The following ZNF28 variants were observed in gnomAD, a reference collection of about 807,000 sequenced individuals.
ZNF28 encodes zinc finger protein KOX24.
ZNF28 carries 5 observed loss-of-function variants against 7.2 expected under a neutral mutation model. That is an observed-to-expected ratio of 0.70 (90% CI 0.36 to 1.46). The LOEUF (loss-of-function observed/expected upper bound fraction) is 1.46, where lower values mean the gene tolerates loss of function less well. ZNF28 is among the 40% of genes most tolerant of loss of function. The pLI, the probability that ZNF28 is intolerant of heterozygous loss-of-function variation, is 0.03. For synonymous variants in ZNF28, 288 were observed against 292.4 expected (o/e 0.99, Z 0.15); for missense variants, 879 against 866.6 (o/e 1.01, Z -0.18).
intron 2 of ZNF28, among the ~76,000 whole-genome samples, chr19:52,808,760 C>T (rs1568653540): frequency 6.6e-6 from 1 of 152,072 alleles, no homozygotes; most frequent in Non-Finnish European, 1.5e-5. Context: ...TTGCAGTGAG[C>T]TGTGATCCCA....
rs574119558 is a variant in ZNF28 at position 52,821,059 on chromosome 19, C to A, written c.-74+527G>T. 2.9e-3 allele frequency among the ~76,000 whole-genome samples: 440 copies of A among 151,442 alleles called. 3 individuals carry two copies. The highest frequency in any genetic ancestry group is 8.0e-3 in the African/African-American group (325 of 40,808). On this transcript the variant is annotated intron_variant, in intron 1 of 3. Transcript: ENST00000457749. ...ACAAGCCCCAGGCACCTCTCCAACG[C>A]GGGCTCAGGGGAAGCGGTGACTGCG...
chr19:52,813,559 T>C (rs1489655971), intron 2 of ZNF28, among the ~76,000 whole-genome samples: 1 of 145,298 alleles, frequency 6.9e-6, no homozygotes, highest in Non-Finnish European at 1.5e-5. Flanking sequence ...CCCTCCGTCT[T>C]CTCCTCACCT....
At chr19:52,809,739 G>T in intron 2 of ZNF28, 1 of 426,016 alleles carries the variant, frequency 2.3e-6, no homozygotes, top group Non-Finnish European at 4.2e-6. Context: ...CAGGAGGAGG[G>T]GGTTGCAGTG....
chr19:52,817,060 G>C (rs1302934156), intron 2 of ZNF28, among the ~76,000 whole-genome samples: 1 of 151,984 alleles, frequency 6.6e-6, no homozygotes, highest in South Asian at 2.1e-4. Flanking sequence ...TATTTACATT[G>C]ATTTCATGTT....
intron 2 of ZNF28, among the ~76,000 whole-genome samples, chr19:52,810,870 TCCCC>T (rs529233873): frequency 2.3e-4 from 1 of 4,398 alleles, no homozygotes; most frequent in Non-Finnish European, 3.7e-4. Flanking sequence ...CCCCTCCCCC[TCCCC>T]CTCCCCCTCC....
Position 52,798,626 on chromosome 19 carries a change from C to A in ZNF28, c.*1062G>T, listed in dbSNP as rs1600416499. ...TGTGAGTTTCTCTCCTGTATGAATCCTCCTATGTTTTGCATAGGATGAAAC... is the reference window on the plus strand; with the variant it reads ...TGTGAGTTTCTCTCCTGTATGAATCATCCTATGTTTTGCATAGGATGAAAC... On this transcript the variant is annotated 3_prime_UTR_variant, in exon 4 of 4. Transcript: ENST00000457749. 1 of 148,410 alleles carries A rather than the reference C, an allele frequency of 6.7e-6. No individual in the cohort carries two copies. The highest frequency in any genetic ancestry group is 3.3e-5 in the South Asian group (1 of 30,200). 9.2% of individuals were successfully genotyped at this position (148,410 alleles called of 1,614,324 possible).
At position 52,800,415 on chromosome 19, in the gene ZNF28, C is replaced by T. The variant is rs1353554744; in HGVS notation, c.1430G>A (p.Arg477Lys). 27 of 1,613,352 alleles carry T rather than the reference C, an allele frequency of 1.7e-5. No homozygotes were observed. The highest frequency in any genetic ancestry group is 2.2e-5 in the Non-Finnish European group (26 of 1,179,732). The change falls in exon 4 of 4, where the codon AGG (arginine) becomes AAG (lysine). Residue 477 changes from arginine to lysine, a missense_variant. Transcript: ENST00000457749. ...ATGTCTTTCAAGGTGTGATTTGCAC[C>T]TGAAAACTTTGTCACATTCTTCACA... is the stretch of plus-strand genomic sequence containing the variant. ...YKCEECDKVF[R>K]CKSHLERHRR...
chr19:52,815,720 G>A lies in ZNF28; in HGVS notation c.15+2224C>T, dbSNP rs994392773. 8.2e-5 allele frequency among the ~76,000 whole-genome samples: 12 copies of A among 145,826 alleles called. 2 individuals carry two copies. Among genetic ancestry groups the A allele is most frequent in the African/African-American group, 3.2e-4 (12 of 37,276 alleles). ...GGTGCCTGTGGTCCCAGCTACTCGG[G>A]AGGCTGAGGCAGGAGAATGGTGTGA... On this transcript the variant is annotated intron_variant, in intron 2 of 3. Coordinates refer to ENST00000457749, the MANE Select transcript of ZNF28 (RefSeq NM_006969.5).
At chr19:52,813,913 A>T (rs1458929359) in intron 2 of ZNF28, among the ~76,000 whole-genome samples, 1 of 145,070 alleles carries the variant, frequency 6.9e-6, no homozygotes, top group Middle Eastern at 3.3e-3. Context: ...GGGAACAGGG[A>T]GGTGGGAGAT....
intron 2 of ZNF28, chr19:52,810,165 G>A (rs879012406): frequency 4.2e-6 from 4 of 953,994 alleles, no homozygotes; most frequent in Non-Finnish European, 6.9e-6. Context: ...TATCGAAGCT[G>A]GAGTCAGGGA....
At chr19:52,813,409 G>A (rs1390627160) in intron 2 of ZNF28, among the ~76,000 whole-genome samples, 3 of 149,790 alleles carry the variant, frequency 2.0e-5, no homozygotes, top group Non-Finnish European at 4.4e-5. Flanking sequence ...CGTCTCAACA[G>A]TGCAAGCTGC....
At chr19:52,808,806 C>G (rs2062972793) in intron 2 of ZNF28, among the ~76,000 whole-genome samples, 2 of 151,916 alleles carry the variant, frequency 1.3e-5, no homozygotes, top group Admixed American at 1.3e-4. Context: ...AACCGAGACC[C>G]CATCTCAAAA....
chr19:52,810,330 G>C (rs2063002971), intron 2 of ZNF28: 1 of 1,599,768 alleles, frequency 6.3e-7, no homozygotes, highest in African/African-American at 1.3e-5. Flanking sequence ...TGGCAATGTG[G>C]ACTGCGGTGC....
Position 52,815,634 on chromosome 19 carries a change from C to T in ZNF28, c.15+2310G>A, listed in dbSNP as rs1239866455. Among the ~76,000 whole-genome samples the T allele has an allele frequency of 6.1e-5, 9 of 146,468 alleles. 1 individual carries two copies. The highest frequency in any genetic ancestry group is 1.5e-5 in the Non-Finnish European group (1 of 67,624). ...GGTCAGGAGATCGAGACCATCCTGG[C>T]TACCACAATGAAACCCCATCTCTAC... On this transcript the variant is annotated intron_variant, in intron 2 of 3. Coordinates refer to ENST00000457749, the MANE Select transcript of ZNF28 (RefSeq NM_006969.5).
chr19:52,814,075 C>T (rs897319124), intron 2 of ZNF28, among the ~76,000 whole-genome samples: 1 of 145,996 alleles, frequency 6.8e-6, no homozygotes, highest in African/African-American at 2.7e-5. Flanking sequence ...TCTTCTAAAG[C>T]CTCATAATGC....
chr19:52,802,962 T>C (rs982444290), intron 3 of ZNF28, among the ~76,000 whole-genome samples: 2 of 152,036 alleles, frequency 1.3e-5, no homozygotes, highest in African/African-American at 4.8e-5. Flanking sequence ...AGGGTTTCAC[T>C]GTGTTAGCCA....
chr19:52,797,620 A>C lies in ZNF28; in HGVS notation c.*2068T>G. On this transcript the variant is annotated 3_prime_UTR_variant, in exon 4 of 4. Coordinates refer to ENST00000457749, the MANE Select transcript of ZNF28 (RefSeq NM_006969.5). Reference sequence around the variant, plus strand: ...ACCACTTCCATTTGCTAAAGAGCTTAAAGTAAGAAATATTTAGGAATAAAC... The same window carrying C: ...ACCACTTCCATTTGCTAAAGAGCTTCAAGTAAGAAATATTTAGGAATAAAC... 1 of 154,410 alleles carries C rather than the reference A, an allele frequency of 6.5e-6. No individual in the cohort carries two copies. The highest frequency in any genetic ancestry group is 2.1e-4 in the South Asian group (1 of 4,830). 9.6% of individuals were successfully genotyped at this position (154,410 alleles called of 1,614,324 possible).
intron 2 of ZNF28, among the ~76,000 whole-genome samples, chr19:52,816,132 T>C (rs2063121413): frequency 6.8e-6 from 1 of 147,218 alleles, no homozygotes; most frequent in Admixed American, 6.8e-5. Flanking sequence ...GGAGATGCCT[T>C]ATGGCAAAGG....
At chr19:52,806,776 C>T (rs994829951) in intron 3 of ZNF28, among the ~76,000 whole-genome samples, 2 of 151,872 alleles carry the variant, frequency 1.3e-5, no homozygotes, top group Non-Finnish European at 2.9e-5. Context: ...GTGGTGAGCG[C>T]CTGCAGTTCC....
Sources: gnomAD v4.1 joint callset for allele counts (sites outside exome capture counted in the v4.1 genomes callset) on GRCh38, gnomAD v4.1.1 for gene constraint, MANE v1.5 for transcripts, NCBI Gene and HGNC (gene_info 2026-07-23, HGNC 2026-07-21) for gene names.